The following PTPRG variants were observed in gnomAD, a reference collection of about 807,000 sequenced individuals.
The protein encoded by PTPRG is protein tyrosine phosphatase receptor type G.
PTPRG carries 102 observed loss-of-function variants against 165.3 expected under a neutral mutation model. That is an observed-to-expected ratio of 0.62 (90% confidence interval 0.53 to 0.73). The LOEUF (loss-of-function observed/expected upper bound fraction) is 0.73. PTPRG is among the 30% of genes least tolerant of loss of function. PTPRG has a pLI of 0.00. For synonymous variants in PTPRG, 675 were observed against 669.5 expected (o/e 1.01, Z -0.13); for missense variants, 1,866 against 1,861.4 (o/e 1.00, Z -0.05).
At chr3:61,646,728 C>A (rs1444161266) in intron 1 of PTPRG, among the ~76,000 whole-genome samples, 2 of 150,614 alleles carry the variant, frequency 1.3e-5, no homozygotes, top group Non-Finnish European at 3.0e-5. Flanking sequence ...ATTTGTGTGA[C>A]CAGCATCACA....
intron 1 of PTPRG, among the ~76,000 whole-genome samples, chr3:61,564,014 T>C (rs964432196): frequency 6.6e-6 from 1 of 152,126 alleles, no homozygotes; most frequent in Non-Finnish European, 1.5e-5. Context: ...CACCCTGGGG[T>C]TTGCCCACTG....
intron 26 of PTPRG, among the ~76,000 whole-genome samples, chr3:62,278,852 T>C (rs1456013562): frequency 6.6e-6 from 1 of 152,074 alleles, no homozygotes; most frequent in African/African-American, 2.4e-5. Flanking sequence ...TTAGGGTTGT[T>C]AAAACGTTCA....
chr3:61,673,770 A>G (rs1703115601), intron 1 of PTPRG, among the ~76,000 whole-genome samples: 1 of 152,176 alleles, frequency 6.6e-6, no homozygotes. Context: ...ACTCTGAGCA[A>G]CACTTGACTG....
At position 61,789,190 on chromosome 3, in the gene PTPRG, C is replaced by T. The variant is rs758590407; in HGVS notation, c.190+40208C>T. On this transcript the variant is annotated intron_variant, in intron 2 of 29. Transcript: ENST00000474889. ...TCTCAGCTCACTGTAGCCTTGATGT[C>T]TCGGGCTCAGGTGATCCTCCCATCT... Among the ~76,000 whole-genome samples, 11 of 152,084 alleles carry T rather than the reference C, an allele frequency of 7.2e-5. No homozygotes were observed. In the South Asian group the frequency reaches 8.3e-4, roughly 11 times the overall value.
At chr3:61,977,185 G>T (rs1298050465) in intron 2 of PTPRG, among the ~76,000 whole-genome samples, 1 of 147,430 alleles carries the variant, frequency 6.8e-6, no homozygotes, top group Non-Finnish European at 1.5e-5. Flanking sequence ...CAATATTTCT[G>T]CCCTCCCCCA....
chr3:62,193,476 C>T (rs1387278244), intron 9 of PTPRG, among the ~76,000 whole-genome samples: 1 of 152,298 alleles, frequency 6.6e-6, no homozygotes, highest in South Asian at 2.1e-4. Flanking sequence ...AATTCCTCAG[C>T]GAGTGAAGAG....
chr3:61,764,467 A>G (rs1403140731), intron 2 of PTPRG, among the ~76,000 whole-genome samples: 1 of 152,242 alleles, frequency 6.6e-6, no homozygotes, highest in South Asian at 2.1e-4. Flanking sequence ...AGAGCAGCAT[A>G]TACAAAGTAA....
chr3:62,231,137 G>C, intron 13 of PTPRG, 88 bp from the exon 14 acceptor site: 1 of 984,290 alleles, frequency 1.0e-6, no homozygotes, highest in South Asian at 3.1e-5. Flanking sequence ...TGTTAGATGG[G>C]AGGGGAGGGC....
intron 1 of PTPRG, among the ~76,000 whole-genome samples, chr3:61,581,843 T>A (rs1700303276): frequency 1.3e-5 from 2 of 151,950 alleles, no homozygotes; most frequent in Admixed American, 1.3e-4. Flanking sequence ...CTCCTGACCT[T>A]AAGTGATCTG....
At chr3:61,635,629 G>T (rs1378324149) in intron 1 of PTPRG, among the ~76,000 whole-genome samples, 1 of 152,014 alleles carries the variant, frequency 6.6e-6, no homozygotes, top group Non-Finnish European at 1.5e-5. Context: ...TTACACATGT[G>T]AGCCACTGCA....
chr3:62,064,875 G>A (rs1700957199), intron 4 of PTPRG, among the ~76,000 whole-genome samples: 2 of 151,860 alleles, frequency 1.3e-5, no homozygotes, highest in Admixed American at 1.3e-4. Context: ...GTGATTACAG[G>A]CGCGTGCCAC....
intron 1 of PTPRG, among the ~76,000 whole-genome samples, chr3:61,665,982 C>A: frequency 7.1e-6 from 1 of 139,976 alleles, no homozygotes; most frequent in African/African-American, 2.6e-5. Flanking sequence ...CGCCTTTTTA[C>A]TTTTTTTTTT....
chr3:62,170,536 T>C (rs1301458544), intron 8 of PTPRG, among the ~76,000 whole-genome samples: 1 of 152,170 alleles, frequency 6.6e-6, no homozygotes, highest in Non-Finnish European at 1.5e-5. Flanking sequence ...GGGAGGATAA[T>C]GGTTTCTATT....
intron 12 of PTPRG, 21 bp from the exon 13 acceptor site, chr3:62,218,830 T>G: frequency 6.2e-7 from 1 of 1,609,454 alleles, no homozygotes; most frequent in Non-Finnish European, 8.5e-7. Context: ...GTCCTCTAAC[T>G]GGGATGATTT....
chr3:61,894,535 T>C (rs1349280695), intron 2 of PTPRG, among the ~76,000 whole-genome samples: 5 of 152,110 alleles, frequency 3.3e-5, no homozygotes, highest in Admixed American at 1.3e-4. Flanking sequence ...TCATCTCTTA[T>C]TTATTTTCAT....
intron 1 of PTPRG, among the ~76,000 whole-genome samples, chr3:61,628,046 G>A (rs1466054855): frequency 6.6e-6 from 1 of 152,156 alleles, no homozygotes; most frequent in Non-Finnish European, 1.5e-5. Flanking sequence ...AGATAAGCCA[G>A]GATTTATGGA....
At chr3:62,105,444 A>C (rs1445899558) in intron 5 of PTPRG, among the ~76,000 whole-genome samples, 1 of 152,222 alleles carries the variant, frequency 6.6e-6, no homozygotes, top group Non-Finnish European at 1.5e-5. Flanking sequence ...AGACAACTAA[A>C]ATCAACAACT....
At chr3:61,958,451 G>T (rs1275412793) in intron 2 of PTPRG, among the ~76,000 whole-genome samples, 1 of 152,222 alleles carries the variant, frequency 6.6e-6, no homozygotes, top group African/African-American at 2.4e-5. Context: ...ATCTTGAATC[G>T]GGTAAAATCA....
intron 6 of PTPRG, among the ~76,000 whole-genome samples, chr3:62,146,752 A>G (rs1704137941): frequency 6.6e-6 from 1 of 151,974 alleles, no homozygotes; most frequent in Non-Finnish European, 1.5e-5. Flanking sequence ...TGTTGCAACT[A>G]CTCAACTCTG....
Sources: allele counts gnomAD v4.1 joint callset (sites outside exome capture counted in the v4.1 genomes callset), GRCh38; gene constraint gnomAD v4.1.1; transcripts MANE v1.5; gene names NCBI Gene and HGNC (gene_info 2026-07-23, HGNC 2026-07-21).